The following HMCN1 variants were observed in gnomAD, a reference collection of about 807,000 sequenced individuals.
HMCN1 encodes the protein hemicentin-1.
HMCN1 carries 321 observed loss-of-function variants against 625.9 expected under a neutral mutation model. The observed-to-expected ratio is 0.51, with a 90% CI of 0.47 to 0.56. HMCN1 has a LOEUF of 0.56. HMCN1 is among the 20% of genes least tolerant of loss of function. The pLI, the probability that HMCN1 is intolerant of heterozygous loss-of-function variation, is 0.00. For synonymous variants in HMCN1, 2,425 were observed against 2,417.6 expected, an observed-to-expected ratio of 1.00 and a Z score of -0.09; for missense variants, 6,588 against 6,887.3, an observed-to-expected ratio of 0.96 and a Z score of 1.54.
At chr1:185,932,984 G>A (rs1667630183) in intron 10 of HMCN1, among the ~76,000 whole-genome samples, 1 of 152,060 alleles carries the variant, frequency 6.6e-6, no homozygotes. Flanking sequence ...ATGGCTCTAT[G>A]TGTACAATTT....
intron 1 of HMCN1, among the ~76,000 whole-genome samples, chr1:185,805,817 T>C (rs1349192587): frequency 6.6e-6 from 1 of 152,162 alleles, no homozygotes; most frequent in African/African-American, 2.4e-5. Context: ...TGTGTCCTGC[T>C]CCTATATTGG....
chr1:186,076,845 G>A (rs1006981114), intron 54 of HMCN1, among the ~76,000 whole-genome samples: 9 of 152,182 alleles, frequency 5.9e-5, no homozygotes, highest in South Asian at 2.1e-4. Context: ...GATCTACTAC[G>A]CATCACTCTA....
At chr1:185,781,724 A>G (rs1657127108) in intron 1 of HMCN1, among the ~76,000 whole-genome samples, 1 of 152,122 alleles carries the variant, frequency 6.6e-6, no homozygotes, top group Non-Finnish European at 1.5e-5. Flanking sequence ...AGTTTATTAT[A>G]CTTTCCGTTC....
At chr1:185,776,526 C>G (rs537307644) in intron 1 of HMCN1, among the ~76,000 whole-genome samples, 1 of 150,768 alleles carries the variant, frequency 6.6e-6, no homozygotes, top group East Asian at 1.9e-4. Flanking sequence ...GGAGTAAATA[C>G]AAATCTCTTT....
intron 4 of HMCN1, among the ~76,000 whole-genome samples, chr1:185,892,906 C>A (rs550086528): frequency 6.6e-6 from 1 of 152,194 alleles, no homozygotes; most frequent in South Asian, 2.1e-4. Flanking sequence ...GCCCCTCCCC[C>A]AGCCTCGCTG....
intron 36 of HMCN1, among the ~76,000 whole-genome samples, chr1:186,027,808 T>C (rs1233818138): frequency 4.6e-5 from 7 of 152,302 alleles, no homozygotes; most frequent in African/African-American, 1.7e-4. Context: ...AGTTGTCTGG[T>C]AAAAACATTA....
Position 186,055,520 on chromosome 1 carries a change from C to T in HMCN1, c.6990C>T (p.Gly2330=), listed in dbSNP as rs1392363851. The T allele has an allele frequency of 1.2e-6, 2 of 1,612,710 alleles. No homozygotes were observed. The highest frequency in any genetic ancestry group is 1.7e-6 in the Non-Finnish European group (2 of 1,179,244). ...CAACAGTGACCTGGATGAAAGATGG[C>T]CACCCCTTGATCAAGGCAAAGGGAG... The part of the protein sequence containing the change: ...PPPTVTWMKD[G]HPLIKAKGVE... The change falls in exon 45 of 107, where the codon GGC becomes GGT. Residue 2330 remains glycine, a synonymous_variant. Transcript: ENST00000271588.
At chr1:185,758,773 A>G (rs573921943) in intron 1 of HMCN1, among the ~76,000 whole-genome samples, 1 of 151,068 alleles carries the variant, frequency 6.6e-6, no homozygotes, top group Non-Finnish European at 1.5e-5. Context: ...TTAAAAATTA[A>G]TTTTTGACTC....
At chr1:186,120,645 G>A (rs1001590622) in intron 80 of HMCN1, among the ~76,000 whole-genome samples, 10 of 152,120 alleles carry the variant, frequency 6.6e-5, no homozygotes, top group Non-Finnish European at 1.5e-4. Context: ...GCAAATTAGA[G>A]GTGACCCAGA....
chr1:186,041,199 A>G (rs1656184076), intron 40 of HMCN1, 63 bp downstream of exon 40: 2 of 1,406,452 alleles, frequency 1.4e-6, no homozygotes, highest in African/African-American at 2.8e-5. Flanking sequence ...AAAATCATTG[A>G]GAAAGTTAAG....
Position 186,190,054 on chromosome 1 carries a change from G to A in HMCN1, c.*176G>A, listed in dbSNP as rs1168657542. The stretch of plus-strand genomic sequence containing the variant: ...GAGGTATTTTCATGATCCCACCATG[G>A]TCATATCTTGAAGTATGGTCTAGAA... On this transcript the variant is annotated 3_prime_UTR_variant, in exon 107 of 107. Coordinates refer to ENST00000271588, the MANE Select transcript of HMCN1 (RefSeq NM_031935.3). 8.4e-6 allele frequency: 6 copies of A among 712,880 alleles called. No individual in the cohort carries two copies. The highest frequency in any genetic ancestry group is 8.2e-5 in the South Asian group (5 of 60,798). 44.2% of individuals were successfully genotyped at this position (712,880 alleles called of 1,614,324 possible).
chr1:185,980,826 T>C (rs2101998637), intron 16 of HMCN1, 152 bp from the exon 17 acceptor site: 1 of 706,240 alleles, frequency 1.4e-6, no homozygotes, highest in East Asian at 2.6e-5. Flanking sequence ...AGCACTTATT[T>C]CACTGTGGTG....
chr1:186,067,520 A>T (rs558693151), intron 49 of HMCN1, among the ~76,000 whole-genome samples: 38 of 152,242 alleles, frequency 2.5e-4, no homozygotes, highest in African/African-American at 9.1e-4. Flanking sequence ...CACACTAAAC[A>T]CCTCAAACTG....
chr1:185,934,188 T>G (rs1480495205), intron 11 of HMCN1, among the ~76,000 whole-genome samples: 1 of 152,168 alleles, frequency 6.6e-6, no homozygotes, highest in African/African-American at 2.4e-5. Flanking sequence ...TTCTTCCCAA[T>G]TTAAGTACTG....
Position 186,086,421 on chromosome 1 carries a change from T to C in HMCN1, c.9046+14T>C. On this transcript the variant is annotated intron_variant, in intron 58 of 106. Transcript: ENST00000271588. ...TCATTGTGCCTGGTAAGGAACTTCTTATTATAAAGCAGGCAAAATTTTCTC... is the reference window on the plus strand; with the variant it reads ...TCATTGTGCCTGGTAAGGAACTTCTCATTATAAAGCAGGCAAAATTTTCTC... 6.2e-7 allele frequency: 1 copy of C among 1,612,402 alleles called. No homozygotes were observed. Among genetic ancestry groups the C allele is most frequent in the Non-Finnish European group, 8.5e-7 (1 of 1,178,926 alleles).
chr1:185,962,911 C>T (rs936733636), intron 12 of HMCN1, among the ~76,000 whole-genome samples: 1 of 152,082 alleles, frequency 6.6e-6, no homozygotes, highest in Non-Finnish European at 1.5e-5. Flanking sequence ...GCAAATGTAG[C>T]ACCAATCAGT....
At chr1:185,909,102 G>A (rs73062132) in intron 4 of HMCN1, among the ~76,000 whole-genome samples, 10,803 of 152,076 alleles carry the variant, frequency 0.071, 1,345 homozygotes, top group African/African-American at 0.25. Flanking sequence ...CATTTTAAAT[G>A]TATTATTCAA....
chr1:186,170,838 G>A (rs1416098836), intron 100 of HMCN1, among the ~76,000 whole-genome samples: 1 of 152,162 alleles, frequency 6.6e-6, no homozygotes, highest in Non-Finnish European at 1.5e-5. Context: ...ATGGTGTTTG[G>A]GAAGTACAAT....
chr1:186,175,822 G>A (rs1217715861), intron 103 of HMCN1, among the ~76,000 whole-genome samples: 1 of 144,538 alleles, frequency 6.9e-6, no homozygotes, highest in Non-Finnish European at 1.5e-5. Context: ...GTTGCAGTGA[G>A]CCGAGATTGC....
Sources: gnomAD v4.1 joint callset for allele counts (sites outside exome capture counted in the v4.1 genomes callset) on GRCh38, gnomAD v4.1.1 for gene constraint, MANE v1.5 for transcripts, NCBI Gene and HGNC (gene_info 2026-07-23, HGNC 2026-07-21) for gene names.